NEB: variants seen among roughly 807,000 people sequenced by gnomAD.
The protein encoded by NEB is nebulin, also known as nemaline myopathy type 2.
A neutral mutation model predicts 952.2 loss-of-function variants in NEB; 512 were observed. The observed-to-expected ratio is 0.54, with a 90% CI of 0.50 to 0.58. The LOEUF (loss-of-function observed/expected upper bound fraction) is 0.58. NEB is among the 20% of genes least tolerant of loss of function. NEB has a pLI of 0.00. For missense variants in NEB, 8,428 were observed against 9,231.1 expected, an observed-to-expected ratio of 0.91 and a Z score of 3.56; for synonymous variants, 2,900 against 3,149.8, an observed-to-expected ratio of 0.92 and a Z score of 2.66.
At chr2:151,633,620 T>C in intron 65 of NEB, 34 bp downstream of exon 65, 1 of 1,578,134 alleles carries the variant, frequency 6.3e-7, no homozygotes, top group Non-Finnish European at 8.6e-7. Context: ...AAATTATTTC[T>C]ATGCACAGCT....
In NEB at chr2:151,697,252, T is replaced by C. The variant is rs1484438248; in HGVS notation, c.1366A>G (p.Lys456Glu). Residue 456 changes from lysine to glutamate, a missense_variant and splice_region_variant, in exon 16 of 182, where the codon AAA (lysine) becomes GAA (glutamate). By Grantham distance (56) the Lys-to-Glu change is moderately conservative. Around this residue, in one of 11 missense-constraint regions of NEB, gnomAD observed 2,851 missense variants for 2,791.5 expected, o/e 1.02. Transcript: ENST00000397345. ...CMKVTAQNSDKNYKAEYEEDR... is the reference protein window; with the variant it reads ...CMKVTAQNSDENYKAEYEEDR... ...TCTTCGTATTCTGCTTTGTAGTTTT[T>C]CTATGAGGAGAAGAAATTAGGCATA... is the stretch of plus-strand genomic sequence containing the variant. The C allele has an allele frequency of 1.9e-6, 3 of 1,613,644 alleles. No individual in the cohort carries two copies. The highest frequency in any genetic ancestry group is 2.5e-6 in the Non-Finnish European group (3 of 1,179,702).
chr2:151,715,008 T>A lies in NEB; in HGVS notation c.822+2408A>T, dbSNP rs1042097712. Among the ~76,000 whole-genome samples the A allele has an allele frequency of 6.6e-5, 10 of 152,348 alleles. No homozygotes were observed. The South Asian group carries it at 2.1e-3, about 32-fold the overall frequency. On this transcript the variant is annotated intron_variant, in intron 10 of 181. Coordinates refer to ENST00000397345, the MANE Select transcript of NEB (RefSeq NM_001164508.2). ...GTCATTAAGAACTCAGAAATCTGGG[T>A]TAAGACTGGGAATAAATAATGTCAC...
At chr2:151,667,756 C>G in intron 40 of NEB, 48 bp downstream of exon 40, 1 of 1,493,054 alleles carries the variant, frequency 6.7e-7, no homozygotes, top group African/African-American at 1.4e-5. Flanking sequence ...GTCTTGAACT[C>G]CTGAAGTCTT....
intron 136 of NEB, 147 bp from the exon 137 acceptor site, chr2:151,540,948 G>T: frequency 1.5e-6 from 1 of 684,790 alleles, no homozygotes; most frequent in Non-Finnish European, 2.5e-6. Context: ...TTTGTTATAT[G>T]CGTTTCTGTT....
In NEB at chr2:151,568,646, G is replaced by A. The variant is rs79205344; in HGVS notation, c.17606C>T (p.Ala5869Val). 1.1e-4 allele frequency: 176 copies of A among 1,609,280 alleles called. No individual in the cohort carries two copies. The East Asian group carries it at 3.6e-3, about 33-fold the overall frequency. The change falls in exon 111 of 182, where the codon GCG (alanine) becomes GTG (valine). Residue 5869 changes from alanine to valine, a missense_variant. Transcript: ENST00000397345. ...ATCGAGGATCTCGCCACTTTGTTTC[G>A]CTGTCACATAATCAACTCTGTCATC... ...PVDDRVDYVT[A>V]KQSGEILDDI... is the part of the protein sequence containing the mutation.
chr2:151,550,983 T>TA (rs2095291366), intron 129 of NEB, among the ~76,000 whole-genome samples: 2 of 149,490 alleles, frequency 1.3e-5, no homozygotes, highest in African/African-American at 4.9e-5. Flanking sequence ...TTATTATTAT[T>TA]TGAAACGGAG....
chr2:151,550,267 A>T (rs1216078791), intron 129 of NEB, among the ~76,000 whole-genome samples: 3 of 5,262 alleles, frequency 5.7e-4, no homozygotes, highest in Non-Finnish European at 2.8e-3. Context: ...CCCTGTCTCC[A>T]AAAAAAAAAA....
chr2:151,499,330 T>A lies in NEB; in HGVS notation c.24082A>T (p.Arg8028Ter). 1 of 1,540,868 alleles carries A rather than the reference T, an allele frequency of 6.5e-7. No individual in the cohort carries two copies. Among genetic ancestry groups the A allele is most frequent in the Non-Finnish European group, 8.8e-7 (1 of 1,140,636 alleles). ...IPIPITPEME[R>*]VKHNQENFSS... ...AAGTTTTCTTGATTGTGTTTGACTC[T>A]CTCCATCTCTGGAGTGATGGGGATT... Residue 8028 changes from arginine (R) to a stop codon, truncating the protein, a stop_gained, in exon 169 of 182, where the codon AGA becomes TGA. Transcript: ENST00000397345. LOFTEE classifies it high-confidence loss of function.
intron 164 of NEB, 147 bp downstream of exon 164, chr2:151,506,019 A>G: frequency 1.4e-6 from 1 of 734,532 alleles, no homozygotes; most frequent in Non-Finnish European, 2.5e-6. Context: ...AGATGACTCT[A>G]GCCACTGTGT....
At chr2:151,680,497 TTTC>T (rs575974234) in intron 30 of NEB, among the ~76,000 whole-genome samples, 42 of 152,272 alleles carry the variant, frequency 2.8e-4, no homozygotes, top group African/African-American at 1.0e-3. Flanking sequence ...CCTCTTACCT[TTTC>T]CTTAGAAAGA....
intron 146 of NEB, among the ~76,000 whole-genome samples, chr2:151,528,987 C>T (rs973549575): frequency 6.6e-6 from 1 of 152,194 alleles, no homozygotes; most frequent in Non-Finnish European, 1.5e-5. Context: ...GGTGTAGCAT[C>T]CATGGCATGG....
At position 151,525,252 on chromosome 2, in the gene NEB, C is replaced by A. The variant is rs1396168176; in HGVS notation, c.22183G>T (p.Val7395Phe). Residue 7395 changes from valine to phenylalanine, a missense_variant, in exon 151 of 182, where the codon GTC becomes TTC. By Grantham distance (50) the Val-to-Phe change is conservative (BLOSUM62 -1). This residue lies in a region of NEB where 3,374 missense variants were observed against 3,651.5 expected (regional missense o/e 0.92). Transcript: ENST00000397345. Reference sequence around the variant, plus strand: ...TAGTTGGATTTTCCTTTCTCCTTGACAAACTTCTTTTTGTAATTTGTCTAA... The same window carrying A: ...TAGTTGGATTTTCCTTTCTCCTTGAAAAACTTCTTTTTGTAATTTGTCTAA... ...VSDTNYKKKF[V>F]KEKGKSNYSI... The A allele has an allele frequency of 1.9e-6, 3 of 1,613,358 alleles. No individual in the cohort carries two copies. Among genetic ancestry groups the A allele is most frequent in the Non-Finnish European group, 2.5e-6 (3 of 1,179,370 alleles).
chr2:151,664,966 G>T, intron 42 of NEB, 103 bp from the exon 43 acceptor site: 2 of 813,070 alleles, frequency 2.5e-6, no homozygotes, highest in African/African-American at 1.7e-5. Flanking sequence ...GAGGTTAAAT[G>T]GATATTAGAA....
At chr2:151,632,810 A>G (rs73967579) in intron 65 of NEB, among the ~76,000 whole-genome samples, 3,210 of 152,256 alleles carry the variant, frequency 0.021, 136 homozygotes, top group African/African-American at 0.074. Flanking sequence ...AAGGTGCCCA[A>G]CAAATAGACA....
chr2:151,655,732 T>C, intron 50 of NEB, 85 bp downstream of exon 50: 3 of 1,412,986 alleles, frequency 2.1e-6, no homozygotes, highest in South Asian at 2.4e-5. Flanking sequence ...ATGATGGACC[T>C]TAATTAGATT....
chr2:151,510,568 C>T (rs1016241979), intron 161 of NEB, among the ~76,000 whole-genome samples: 2 of 152,164 alleles, frequency 1.3e-5, no homozygotes, highest in African/African-American at 2.4e-5. Flanking sequence ...GAGTACATTA[C>T]AATAAGATAT....
chr2:151,665,655 CT>C, intron 41 of NEB, 116 bp from the exon 42 acceptor site: 1 of 804,806 alleles, frequency 1.2e-6, no homozygotes, highest in Non-Finnish European at 1.9e-6. Flanking sequence ...GGAGAATAAT[CT>C]GCTTTTTACT....
intron 38 of NEB, 27 bp from the exon 39 acceptor site, chr2:151,669,158 A>T (rs933198475): frequency 2.1e-6 from 3 of 1,401,538 alleles, no homozygotes; most frequent in South Asian, 2.5e-5. Flanking sequence ...CAGCATGCAC[A>T]TATCATTAGC....
chr2:151,524,426 G>C lies in NEB; in HGVS notation c.22375-11C>G. 6.2e-7 allele frequency: 1 copy of C among 1,613,896 alleles called. No homozygotes were observed. Among genetic ancestry groups the C allele is most frequent in the South Asian group, 1.1e-5 (1 of 91,086 alleles). On this transcript the variant is annotated splice_polypyrimidine_tract_variant and intron_variant, in intron 152 of 181. Coordinates refer to ENST00000397345, the MANE Select transcript of NEB (RefSeq NM_001164508.2). ...GGCTCTGTACTCCACCTGAATCAGA[G>C]AAAACCAAAATGGGCAACAGGTGAT...
Sources: allele counts gnomAD v4.1 joint callset (sites outside exome capture counted in the v4.1 genomes callset), GRCh38; gene constraint gnomAD v4.1.1; regional missense constraint gnomAD v4.1.1; transcripts MANE v1.5; gene names NCBI Gene and HGNC (gene_info 2026-07-23, HGNC 2026-07-21).